Variants in TTN observed in about 807,000 individuals in gnomAD.
The protein encoded by TTN is titin, also known as connectin.
TTN carries 1,525 observed loss-of-function variants against 3,223.0 expected under a neutral mutation model. That is an observed-to-expected ratio of 0.47 (90% CI 0.45 to 0.49). The LOEUF is 0.49. TTN is among the 20% of genes least tolerant of loss of function. The probability of loss-of-function intolerance (pLI) is 0.00; values close to 1 mark genes in which losing one functional copy is unlikely to be tolerated. For synonymous variants in TTN, 14,094 were observed against 15,161.0 expected (o/e 0.93, Z 5.17); for missense variants, 40,786 against 43,424.0 (o/e 0.94, Z 5.40).
chr2:178,554,149 C>T lies in TTN; in HGVS notation c.88962G>A (p.Trp29654Ter). 3.7e-6 allele frequency: 6 copies of T among 1,613,452 alleles called. No individual in the cohort carries two copies. Among genetic ancestry groups the T allele is most frequent in the Non-Finnish European group, 5.1e-6 (6 of 1,179,712 alleles). Residue 29654 changes from tryptophan to a stop codon, truncating the protein, a stop_gained, in exon 333 of 363, where the codon TGG becomes TGA. Transcript: ENST00000589042. LOFTEE classifies it high-confidence loss of function. Reference sequence around the variant, plus strand: ...TACCGCCATCTGCAATTGGCCTGCTCCATACAACAGTCATCGAATTCTTGG... The same window carrying T: ...TACCGCCATCTGCAATTGGCCTGCTTCATACAACAGTCATCGAATTCTTGG... ...KITKNSMTVV[W>*]SRPIADGGSD... is the part of the protein sequence containing the mutation.
At position 178,552,296 on chromosome 2, in the gene TTN, A is replaced by G. The variant is rs1319107729; in HGVS notation, c.90604T>C (p.Tyr30202His). ...ACTGCATTATCAAGAATAACAGTGT[A>G]TTTTCCTCCATGCTCCTTCTTGGCA... ...KNAKKEHGGK[Y>H]TVILDNAVCR... Residue 30202 changes from tyrosine to histidine, a missense_variant, in exon 335 of 363, where the codon TAC becomes CAC. By Grantham distance (83) the Tyr-to-His change is moderately conservative. Transcript: ENST00000589042. 4.3e-6 allele frequency: 7 copies of G among 1,613,042 alleles called. No homozygotes were observed. In the South Asian group the frequency reaches 5.5e-5, roughly 13 times the overall value.
chr2:178,687,829 G>A (rs1246396575), intron 127 of TTN, among the ~76,000 whole-genome samples: 1 of 152,136 alleles, frequency 6.6e-6, no homozygotes, highest in Non-Finnish European at 1.5e-5. Flanking sequence ...ATATGTATAT[G>A]GAGATACCTG....
chr2:178,683,968 A>ATTTTT, intron 133 of TTN, 31 bp downstream of exon 133: 1 of 1,259,404 alleles, frequency 7.9e-7, no homozygotes. Context: ...GCTTATTTTG[A>ATTTTT]TTTTTTTTTT....
rs760509158 is a variant in TTN at position 178,671,144 on chromosome 2, G to T, written c.35254C>A (p.Pro11752Thr). The T allele has an allele frequency of 3.1e-6, 5 of 1,602,734 alleles. No individual in the cohort carries two copies. The East Asian group carries it at 6.8e-5, about 22-fold the overall frequency. Reference protein sequence around the residue: ...KGPEISEKIIPPKKPPTKVVP... With the variant: ...KGPEISEKIITPKKPPTKVVP... ...ACTTTAGTGGGCGGTTTTTTTGGAG[G>T]GATGATTTTCTCAGATATCTCAGGC... is the stretch of plus-strand genomic sequence containing the variant. The change falls in exon 156 of 363, where the codon CCT becomes ACT. Residue 11752 changes from proline to threonine, a missense_variant. Coordinates refer to ENST00000589042, the MANE Select transcript of TTN (RefSeq NM_001267550.2).
At position 178,574,084 on chromosome 2, in the gene TTN, A is replaced by G. The variant is rs1470895952; in HGVS notation, c.72048T>C (p.Asp24016=). ...GAISPPSEPS[D]AITCRDDVEA... is the part of the protein sequence containing the mutation. ...CAACATCATCCCTGCAAGTGATAGC[A>G]TCAGATGGCTCAGATGGTGGACTGA... Residue 24016 remains aspartate, a synonymous_variant, in exon 326 of 363, where the codon GAT becomes GAC. Coordinates refer to ENST00000589042, the MANE Select transcript of TTN (RefSeq NM_001267550.2). 9 of 1,613,338 alleles carry G rather than the reference A, an allele frequency of 5.6e-6. No individual in the cohort carries two copies. The Admixed American group carries it at 1.3e-4, about 24-fold the overall frequency.
Position 178,533,650 on chromosome 2 carries a change from C to T in TTN, c.102965G>A (p.Ser34322Asn), listed in dbSNP as rs763242057. The T allele has an allele frequency of 2.7e-5, 44 of 1,613,812 alleles. No homozygotes were observed. The highest frequency in any genetic ancestry group is 3.5e-5 in the Non-Finnish European group (41 of 1,179,868). ...DKGLYQLTIN[S>N]VTTDDDAEYT... ...TTCAGCGTCATCATCTGTAGTGACA[C>T]TGTTGATTGTTAATTGGTAAAGACC... Residue 34322 changes from serine (S) to asparagine (N), a missense_variant, in exon 358 of 363, where the codon AGT (serine) becomes AAT (asparagine). Transcript: ENST00000589042.
chr2:178,535,925 A>T, intron 357 of TTN, 57 bp downstream of exon 357: 1 of 1,511,512 alleles, frequency 6.6e-7, no homozygotes, highest in Non-Finnish European at 8.8e-7. Flanking sequence ...AATAGCCTCC[A>T]CCCCCAAGTT....
rs1256143330 is a variant in TTN, at chr2:178,715,668, T to C, written c.25746A>G (p.Leu8582=). The C allele has an allele frequency of 1.9e-6, 3 of 1,613,004 alleles. No individual in the cohort carries two copies. Among genetic ancestry groups the C allele is most frequent in the Non-Finnish European group, 2.5e-6 (3 of 1,179,364 alleles). The part of the protein sequence containing the change: ...KIGGSPEIKV[L]WYKDETEIQE... ...GAATTTCAGTCTCGTCCTTATACCA[T>C]AAAACTTTGATTTCTGGAGACCCAC... Residue 8582 remains leucine, a synonymous_variant, in exon 89 of 363, where the codon TTA becomes TTG. Coordinates refer to ENST00000589042, the MANE Select transcript of TTN (RefSeq NM_001267550.2).
Position 178,799,897 on chromosome 2 carries a change from T to G in TTN, c.597A>C (p.Val199=). ...AELLVQGEEE[V]PAKKTKTIVS... Reference sequence around the variant, plus strand: ...CAATTGTCTTTGTCTTTTTAGCAGGTACTTCTTCTTCACCTGTGGGAAGGG... The same window carrying G: ...CAATTGTCTTTGTCTTTTTAGCAGGGACTTCTTCTTCACCTGTGGGAAGGG... The change falls in exon 5 of 363, where the codon GTA becomes GTC. Residue 199 remains valine, a synonymous_variant. Transcript: ENST00000589042. 1 of 1,614,156 alleles carries G rather than the reference T, an allele frequency of 6.2e-7. No homozygotes were observed. Among genetic ancestry groups the G allele is most frequent in the Non-Finnish European group, 8.5e-7 (1 of 1,180,012 alleles).
Position 178,587,641 on chromosome 2 carries a change from T to C in TTN, c.63668A>G (p.Asp21223Gly). ...AAGGAAGGCCATAGTGTCAACCAGA[T>C]CAACTTGTCCTTTTCTGACCACATT... ...IDNVVRKGQV[D>G]LVDTMAFLVI... Residue 21223 changes from aspartate (D) to glycine (G), a missense_variant, in exon 306 of 363, where the codon GAT (aspartate) becomes GGT (glycine). Asp to Gly is a moderately conservative substitution (Grantham distance 94). Transcript: ENST00000589042. The C allele has an allele frequency of 6.2e-7, 1 of 1,612,784 alleles. No homozygotes were observed. Among genetic ancestry groups the C allele is most frequent in the Non-Finnish European group, 8.5e-7 (1 of 1,179,412 alleles).
rs372600417 is a variant in TTN at position 178,606,985 on chromosome 2, A to G, written c.53581+36T>C. On this transcript the variant is annotated intron_variant, in intron 278 of 362. Transcript: ENST00000589042. ...TAAATAATATAACTAGAAGCAAAAC[A>G]TTACTCTATAAACACAATGAAACCT... is the stretch of plus-strand genomic sequence containing the variant. 20 of 1,580,060 alleles carry G rather than the reference A, an allele frequency of 1.3e-5. No homozygotes were observed. The African/African-American group carries it at 2.8e-4, about 22-fold the overall frequency.
At chr2:178,732,389 A>G (rs1367493334) in intron 56 of TTN, 42 bp from the exon 57 acceptor site, 1 of 1,575,376 alleles carries the variant, frequency 6.3e-7, no homozygotes. Flanking sequence ...GAGAAAGAGG[A>G]AAGAATTTAT....
At chr2:178,649,718 G>C (rs940022457) in intron 211 of TTN, 87 bp from the exon 212 acceptor site, 16 of 1,537,448 alleles carry the variant, frequency 1.0e-5, no homozygotes, top group African/African-American at 2.7e-5. Context: ...TAACATATAG[G>C]TAAGAGTTAA....
At chr2:178,806,275 T>A (rs2094315567) in intron 1 of TTN, among the ~76,000 whole-genome samples, 1 of 152,224 alleles carries the variant, frequency 6.6e-6, no homozygotes, top group South Asian at 2.1e-4. Context: ...ACTTTGTCTG[T>A]TTATAAGTTA....
chr2:178,557,460 C>T lies in TTN; in HGVS notation c.87802G>A (p.Ala29268Thr). Residue 29268 changes from alanine (A) to threonine (T), a missense_variant, in exon 329 of 363, where the codon GCA becomes ACA. Coordinates refer to ENST00000589042, the MANE Select transcript of TTN (RefSeq NM_001267550.2). ...WHEPVSNGGS[A>T]VVGYHLEMKD... ...ATTTCCAGGTGATAGCCTACGACTG[C>T]ACTGCCTCCATTTGACACTGGTTCA... The T allele has an allele frequency of 6.2e-7, 1 of 1,613,950 alleles. No individual in the cohort carries two copies. Among genetic ancestry groups the T allele is most frequent in the South Asian group, 1.1e-5 (1 of 91,084 alleles).
Position 178,715,727 on chromosome 2 carries a change from G to C in TTN, c.25687C>G (p.Gln8563Glu). The change falls in exon 89 of 363, where the codon CAG (glutamine) becomes GAG (glutamate). Residue 8563 changes from glutamine to glutamate, a missense_variant. By Grantham distance (29) the Gln-to-Glu change is conservative. Coordinates refer to ENST00000589042, the MANE Select transcript of TTN (RefSeq NM_001267550.2). ...KKLEPSRIVK[Q>E]DEFTRYECKI... ...CATTCATACCTTGTGAATTCATCCT[G>C]TTTCACAATTCTTGAAGGTTCTAGC... is the stretch of plus-strand genomic sequence containing the variant. 2.5e-6 allele frequency: 4 copies of C among 1,598,988 alleles called. No homozygotes were observed. Among genetic ancestry groups the C allele is most frequent in the Non-Finnish European group, 3.4e-6 (4 of 1,171,694 alleles).
rs1695809971 is a variant in TTN, at chr2:178,543,897, A to G, written c.96247T>C (p.Tyr32083His). The G allele has an allele frequency of 6.2e-7, 1 of 1,613,498 alleles. No homozygotes were observed. Among genetic ancestry groups the G allele is most frequent in the Non-Finnish European group, 8.5e-7 (1 of 1,179,702 alleles). ...DKVNRYDAGK[Y>H]TIEAENQSGK... ...GATTGGTTTTCAGCTTCAATTGTGT[A>G]TTTTCCAGCATCGTACCGATTAACT... Residue 32083 changes from tyrosine (Y) to histidine (H), a missense_variant, in exon 346 of 363, where the codon TAC becomes CAC. Tyr to His is a moderately conservative substitution (Grantham distance 83). Transcript: ENST00000589042.
In TTN at chr2:178,538,653, G is replaced by A. The variant is rs1038769207; in HGVS notation, c.99176C>T (p.Thr33059Ile). ...NKERIKDKQFTIGGLLEATEY... is the reference protein window; with the variant it reads ...NKERIKDKQFIIGGLLEATEY... The stretch of plus-strand genomic sequence containing the variant: ...AGTAGCTTCCAGCAAACCTCCTATT[G>A]TGAATTGCTTGTCCTTAATACGTTC... Residue 33059 changes from threonine to isoleucine, a missense_variant, in exon 354 of 363, where the codon ACA becomes ATA. Physicochemically the swap from Thr to Ile is moderately conservative, Grantham distance 89 (BLOSUM62 -1). Coordinates refer to ENST00000589042, the MANE Select transcript of TTN (RefSeq NM_001267550.2). The A allele has an allele frequency of 1.9e-6, 3 of 1,613,588 alleles. No homozygotes were observed. Among genetic ancestry groups the A allele is most frequent in the Admixed American group, 3.3e-5 (2 of 59,992 alleles).
chr2:178,707,516 G>A lies in TTN; in HGVS notation c.29041+10C>T. On this transcript the variant is annotated intron_variant, in intron 100 of 362. Coordinates refer to ENST00000589042, the MANE Select transcript of TTN (RefSeq NM_001267550.2). The stretch of plus-strand genomic sequence containing the variant: ...GCTTGAGCTGCATAATACTTTTGAG[G>A]TGTCTGTACCTTTAATGGTCACTTT... 6.2e-7 allele frequency: 1 copy of A among 1,605,788 alleles called. No individual in the cohort carries two copies. Among genetic ancestry groups the A allele is most frequent in the Non-Finnish European group, 8.5e-7 (1 of 1,173,964 alleles).
Sources: gnomAD v4.1 joint callset for allele counts (sites outside exome capture counted in the v4.1 genomes callset) on GRCh38, gnomAD v4.1.1 for gene constraint, MANE v1.5 for transcripts, NCBI Gene and HGNC (gene_info 2026-07-23, HGNC 2026-07-21) for gene names.